CCDC178: variants seen among roughly 807,000 people sequenced by gnomAD.
CCDC178 encodes the protein coiled-coil domain containing 178.
Under a neutral mutation model 117.4 loss-of-function variants are expected in CCDC178, and 126 were observed. That is an observed-to-expected ratio of 1.07 (90% CI 0.93 to 1.24). The LOEUF is 1.24. Among genes scored for constraint, CCDC178 ranks in the 50% most tolerant of loss-of-function variants. The probability of loss-of-function intolerance (pLI) is 0.00; values close to 1 mark genes in which losing one functional copy is unlikely to be tolerated. For synonymous variants in CCDC178, 283 were observed against 313.4 expected (o/e 0.90, Z 1.02); for missense variants, 1,030 against 986.9 (o/e 1.04, Z -0.59).
At chr18:33,203,030 C>A (rs569639393) in intron 20 of CCDC178, among the ~76,000 whole-genome samples, 3 of 152,276 alleles carry the variant, frequency 2.0e-5, no homozygotes, top group African/African-American at 7.2e-5. Context: ...AAATTTCCAT[C>A]TGGAAGGAAT....
At position 32,937,974 on chromosome 18, in the gene CCDC178, CT is replaced by C. The variant is rs2144574833; in HGVS notation, c.*36del. ...ATCTGAACTGTGTGACTTTTCTTGT[CT>C]TTTATTTCAGCATCCAAGATACATT... On this transcript the variant is annotated 3_prime_UTR_variant, in exon 23 of 23. Coordinates refer to ENST00000383096, the MANE Select transcript of CCDC178 (RefSeq NM_001105528.4). 2.0e-6 allele frequency: 3 copies of C among 1,487,064 alleles called. No homozygotes were observed. In the East Asian group the frequency reaches 6.8e-5, roughly 34 times the overall value. 92.1% of individuals were successfully genotyped at this position (1,487,064 alleles called of 1,614,324 possible).
intron 21 of CCDC178, among the ~76,000 whole-genome samples, chr18:33,059,599 A>C (rs1426088128): frequency 6.6e-6 from 1 of 152,126 alleles, no homozygotes; most frequent in Admixed American, 6.6e-5. Context: ...TCTCACCTCC[A>C]AATCACGAAG....
chr18:32,946,024 C>T (rs1029847479), intron 22 of CCDC178, among the ~76,000 whole-genome samples: 4 of 151,968 alleles, frequency 2.6e-5, no homozygotes, highest in Non-Finnish European at 5.9e-5. Flanking sequence ...TCATTTTGTG[C>T]CATTTATGAA....
intron 21 of CCDC178, among the ~76,000 whole-genome samples, chr18:33,005,303 T>C (rs1244961616): frequency 6.6e-6 from 1 of 152,090 alleles, no homozygotes; most frequent in Non-Finnish European, 1.5e-5. Context: ...TAAGGTCCTG[T>C]TATTTGCAAC....
intron 20 of CCDC178, among the ~76,000 whole-genome samples, chr18:33,173,949 T>C (rs1039201146): frequency 6.6e-6 from 1 of 152,144 alleles, no homozygotes; most frequent in Non-Finnish European, 1.5e-5. Context: ...GAGAATAATA[T>C]TAAGACACGG....
intron 2 of CCDC178, among the ~76,000 whole-genome samples, chr18:33,412,345 A>C (rs998167848): frequency 3.9e-5 from 6 of 152,094 alleles, no homozygotes; most frequent in Admixed American, 3.3e-4. Flanking sequence ...CTAGTGACTT[A>C]AACCAATACC....
At chr18:33,014,449 T>G (rs2144808311) in intron 21 of CCDC178, among the ~76,000 whole-genome samples, 1 of 152,204 alleles carries the variant, frequency 6.6e-6, no homozygotes. Flanking sequence ...AAAAGAAATG[T>G]CTTTAAAGGG....
intron 12 of CCDC178, among the ~76,000 whole-genome samples, chr18:33,277,697 C>A (rs755948028): frequency 2.0e-5 from 3 of 152,104 alleles, no homozygotes; most frequent in Non-Finnish European, 4.4e-5. Flanking sequence ...CCTCCATCTT[C>A]AAGTCAGCAA....
chr18:33,065,719 T>A (rs563091334), intron 21 of CCDC178, among the ~76,000 whole-genome samples: 1 of 151,982 alleles, frequency 6.6e-6, no homozygotes, highest in African/African-American at 2.4e-5. Flanking sequence ...CATAATGGAA[T>A]CCCCATCAGA....
intron 21 of CCDC178, among the ~76,000 whole-genome samples, chr18:33,087,950 T>C (rs957735234): frequency 6.6e-6 from 1 of 152,188 alleles, no homozygotes; most frequent in African/African-American, 2.4e-5. Context: ...AGAAAACTTA[T>C]ATAATCTATA....
At chr18:33,206,491 A>C (rs2059045623) in intron 20 of CCDC178, among the ~76,000 whole-genome samples, 1 of 152,134 alleles carries the variant, frequency 6.6e-6, no homozygotes, top group Non-Finnish European at 1.5e-5. Flanking sequence ...TAAAAAAAGA[A>C]AAGGCTAATG....
intron 21 of CCDC178, among the ~76,000 whole-genome samples, chr18:33,001,775 C>T (rs2055638703): frequency 6.6e-6 from 1 of 152,110 alleles, no homozygotes; most frequent in Non-Finnish European, 1.5e-5. Context: ...CATAGAGTGT[C>T]TGTTGCCTAC....
intron 10 of CCDC178, among the ~76,000 whole-genome samples, chr18:33,328,354 G>C (rs2062617356): frequency 1.3e-5 from 2 of 151,984 alleles, no homozygotes; most frequent in South Asian, 4.1e-4. Context: ...GCCCACCTCA[G>C]CCTCCCAAAG....
At chr18:33,221,468 T>C (rs1010705705) in intron 18 of CCDC178, among the ~76,000 whole-genome samples, 1 of 152,108 alleles carries the variant, frequency 6.6e-6, no homozygotes, top group Non-Finnish European at 1.5e-5. Context: ...AGACACTTAG[T>C]GCCTGTAGTG....
Position 33,056,687 on chromosome 18 carries a change from T to C in CCDC178, c.2388+36074A>G, listed in dbSNP as rs529196763. 5.3e-5 allele frequency among the ~76,000 whole-genome samples: 8 copies of C among 152,260 alleles called. No individual in the cohort carries two copies. In the East Asian group the frequency reaches 1.5e-3, roughly 29 times the overall value. On this transcript the variant is annotated intron_variant, in intron 21 of 22. Transcript: ENST00000383096. Reference sequence around the variant, plus strand: ...GTTGGAAAATGTAATTCATCCTAATTTGGGGAAAGAAATGAGAGAGTCAGG... The same window carrying C: ...GTTGGAAAATGTAATTCATCCTAATCTGGGGAAAGAAATGAGAGAGTCAGG...
At chr18:33,074,870 C>G (rs1029077611) in intron 21 of CCDC178, among the ~76,000 whole-genome samples, 1 of 152,060 alleles carries the variant, frequency 6.6e-6, no homozygotes, top group Non-Finnish European at 1.5e-5. Context: ...ATAAAGTGCT[C>G]CAGTAAACAT....
rs181456244 is a variant in CCDC178, at chr18:33,284,905, G to A, written c.1176+8254C>T. 3.8e-3 allele frequency among the ~76,000 whole-genome samples: 580 copies of A among 151,480 alleles called. 3 individuals are homozygous for A. Among genetic ancestry groups the A allele is most frequent in the Admixed American group, 0.014 (212 of 15,156 alleles). ...ATGCAACTGTACTGTAGCTCTTGGG[G>A]AAAGAAAGAATGCACACACACACAC... is the stretch of plus-strand genomic sequence containing the variant. On this transcript the variant is annotated intron_variant, in intron 12 of 22. Transcript: ENST00000383096.
intron 21 of CCDC178, among the ~76,000 whole-genome samples, chr18:33,009,692 T>A (rs1419346855): frequency 6.6e-6 from 1 of 152,162 alleles, no homozygotes; most frequent in Non-Finnish European, 1.5e-5. Flanking sequence ...TTGTTTGCTA[T>A]GTGTCTCCCT....
At chr18:33,394,053 A>C (rs1035238636) in intron 4 of CCDC178, among the ~76,000 whole-genome samples, 1 of 151,986 alleles carries the variant, frequency 6.6e-6, no homozygotes, top group East Asian at 1.9e-4. Flanking sequence ...TTAAAATTCA[A>C]GGTTGGTATG....
Sources: gnomAD v4.1 joint callset for allele counts (sites outside exome capture counted in the v4.1 genomes callset) on GRCh38, gnomAD v4.1.1 for gene constraint, MANE v1.5 for transcripts, NCBI Gene and HGNC (gene_info 2026-07-23, HGNC 2026-07-21) for gene names.